Variants in KCNIP4 observed in about 807,000 individuals in gnomAD.
The protein encoded by KCNIP4 is Kv channel-interacting protein 4.
Under a neutral mutation model 34.0 loss-of-function variants are expected in KCNIP4, and 12 were observed. The observed-to-expected ratio is 0.35, with a 90% CI of 0.23 to 0.57. The LOEUF is 0.57. KCNIP4 is among the 20% of genes least tolerant of loss of function. The pLI is 0.83. For missense variants in KCNIP4, 238 were observed against 311.7 expected, an observed-to-expected ratio of 0.76 and a Z score of 1.78; for synonymous variants, 124 against 102.2, an observed-to-expected ratio of 1.21 and a Z score of -1.29.
chr4:20,799,154 G>A (rs1289575618), intron 3 of KCNIP4, among the ~76,000 whole-genome samples: 4 of 152,124 alleles, frequency 2.6e-5, no homozygotes, highest in Non-Finnish European at 1.5e-5. Flanking sequence ...CTATATAGCT[G>A]CTCCATCCTG....
intron 3 of KCNIP4, among the ~76,000 whole-genome samples, chr4:20,769,251 C>G (rs1425589691): frequency 6.6e-6 from 1 of 152,144 alleles, no homozygotes; most frequent in Non-Finnish European, 1.5e-5. Context: ...ACTAAACATT[C>G]TACAAATTGT....
intron 1 of KCNIP4, among the ~76,000 whole-genome samples, chr4:21,074,896 C>G (rs980206922): frequency 2.6e-5 from 4 of 152,106 alleles, no homozygotes; most frequent in Non-Finnish European, 5.9e-5. Flanking sequence ...TCGTTATGTA[C>G]CCAGTAGTCA....
rs867796133 is a variant in KCNIP4 at position 21,501,997 on chromosome 4, A to G, written c.61+446574T>C. ...CTCTCTCTCTCTCATGCACACGCAC[A>G]CACACACACACACACACAAGCACAC... On this transcript the variant is annotated intron_variant, in intron 1 of 8. Coordinates refer to ENST00000382152, the MANE Select transcript of KCNIP4 (RefSeq NM_025221.6). 3.6e-3 allele frequency among the ~76,000 whole-genome samples: 511 copies of G among 142,904 alleles called. 1 individual carries two copies. Among genetic ancestry groups the G allele is most frequent in the Middle Eastern group, 6.9e-3 (2 of 290 alleles). The allele number at this position is 142,904 out of a possible 152,430, so 93.8% of individuals were successfully genotyped here.
chr4:21,689,986 C>G (rs1457186143), intron 1 of KCNIP4, among the ~76,000 whole-genome samples: 1 of 151,644 alleles, frequency 6.6e-6, no homozygotes, highest in African/African-American at 2.4e-5. Context: ...TGCTATATCT[C>G]TATTAGGAAG....
At chr4:20,968,401 A>G (rs1396124901) in intron 1 of KCNIP4, among the ~76,000 whole-genome samples, 1 of 152,172 alleles carries the variant, frequency 6.6e-6, no homozygotes, top group Non-Finnish European at 1.5e-5. Flanking sequence ...CAGAAATACC[A>G]TTTGACCCAA....
chr4:20,864,098 A>G (rs1022101395), intron 2 of KCNIP4, among the ~76,000 whole-genome samples: 1 of 148,488 alleles, frequency 6.7e-6, no homozygotes, highest in Non-Finnish European at 1.5e-5. Context: ...ATGCATGTAT[A>G]CGTATGTATG....
At chr4:20,731,536 A>G in intron 8 of KCNIP4, 1 of 985,444 alleles carries the variant, frequency 1.0e-6, no homozygotes, top group Non-Finnish European at 1.2e-6. Flanking sequence ...AGTTCAGTCA[A>G]AGAGCCATTT....
intron 1 of KCNIP4, among the ~76,000 whole-genome samples, chr4:21,531,042 A>G (rs1736626316): frequency 6.6e-6 from 1 of 152,204 alleles, no homozygotes; most frequent in Admixed American, 6.5e-5. Context: ...TTTAAAAGCT[A>G]AGTTGAGGGC....
chr4:21,196,070 T>A (rs1484155717), intron 1 of KCNIP4, among the ~76,000 whole-genome samples: 1 of 152,240 alleles, frequency 6.6e-6, no homozygotes, highest in East Asian at 1.9e-4. Flanking sequence ...AGGCATGGAC[T>A]TCTTAAAGAA....
intron 1 of KCNIP4, among the ~76,000 whole-genome samples, chr4:21,505,323 C>A (rs1203317448): frequency 2.0e-5 from 3 of 151,612 alleles, no homozygotes; most frequent in African/African-American, 7.3e-5. Context: ...CTCTCATACA[C>A]AATCATTTTC....
chr4:21,479,585 C>A (rs1731257980), intron 1 of KCNIP4, among the ~76,000 whole-genome samples: 1 of 152,034 alleles, frequency 6.6e-6, no homozygotes, highest in Non-Finnish European at 1.5e-5. Context: ...TTACAACATG[C>A]ACATACACAC....
chr4:20,990,319 T>C (rs1736980066), intron 1 of KCNIP4, among the ~76,000 whole-genome samples: 1 of 152,242 alleles, frequency 6.6e-6, no homozygotes, highest in African/African-American at 2.4e-5. Context: ...ATGATCAGAC[T>C]CAAGCAGTTT....
chr4:20,988,000 C>CAAAAAAAAAA lies in KCNIP4; in HGVS notation c.62-105301_62-105292dup, dbSNP rs36044149. On this transcript the variant is annotated intron_variant, in intron 1 of 8. Coordinates refer to ENST00000382152, the MANE Select transcript of KCNIP4 (RefSeq NM_025221.6). ...TGGGCGACACGGCGAGATTCCATCT[C>CAAAAAAAAAA]AAAAAAAAAAAAAAAAAAAAAATTA... Among the ~76,000 whole-genome samples the CAAAAAAAAAA allele has an allele frequency of 5.2e-3, 241 of 46,308 alleles. 19 individuals carry two copies. Among genetic ancestry groups the CAAAAAAAAAA allele is most frequent in the Middle Eastern group, 0.03 (2 of 66 alleles). 30.4% of individuals were successfully genotyped at this position (46,308 alleles called of 152,430 possible). A position where few individuals can be genotyped will look rare whatever the true frequency, so the allele number is the denominator to read the frequency against.
intron 1 of KCNIP4, among the ~76,000 whole-genome samples, chr4:20,966,543 C>T (rs1734368979): frequency 6.6e-6 from 1 of 152,106 alleles, no homozygotes; most frequent in Non-Finnish European, 1.5e-5. Context: ...TGGTTGATTC[C>T]AATTCTACTG....
intron 1 of KCNIP4, among the ~76,000 whole-genome samples, chr4:21,246,340 A>G (rs1481507901): frequency 6.6e-6 from 1 of 152,168 alleles, no homozygotes; most frequent in Non-Finnish European, 1.5e-5. Flanking sequence ...AGCTGTTGCA[A>G]TCACGCCAGT....
chr4:20,887,777 G>A (rs572187616), intron 1 of KCNIP4, among the ~76,000 whole-genome samples: 13 of 152,172 alleles, frequency 8.5e-5, no homozygotes, highest in African/African-American at 2.2e-4. Context: ...GGCATAATAC[G>A]GAAACTTGAC....
rs1157389642 is a variant in KCNIP4, at chr4:21,528,800, A to AAAGG, written c.61+419767_61+419770dup. ...GAAAGGAAGAAAGGAAGAAAGGAAG[A>AAAGG]AAGGAAGGAAGGAAGGAAGGAAGGA... On this transcript the variant is annotated intron_variant, in intron 1 of 8. Transcript: ENST00000382152. Among the ~76,000 whole-genome samples the AAAGG allele has an allele frequency of 8.8e-4, 22 of 25,080 alleles. 1 individual carries two copies. The highest frequency in any genetic ancestry group is 2.3e-3 in the Admixed American group (6 of 2,594). 16.5% of individuals were successfully genotyped at this position (25,080 alleles called of 152,430 possible). A position where few individuals can be genotyped will look rare whatever the true frequency, so the allele number is the denominator to read the frequency against.
intron 5 of KCNIP4, among the ~76,000 whole-genome samples, chr4:20,738,272 A>C (rs1750189636): frequency 6.6e-6 from 1 of 152,240 alleles, no homozygotes; most frequent in Non-Finnish European, 1.5e-5. Flanking sequence ...GATATTTTTA[A>C]AAATTCACAG....
intron 1 of KCNIP4, among the ~76,000 whole-genome samples, chr4:20,899,232 T>C (rs1270183087): frequency 3.3e-5 from 5 of 152,190 alleles, no homozygotes; most frequent in Non-Finnish European, 7.4e-5. Context: ...CTAAATCCTC[T>C]ATCAGCATAA....
Sources: gnomAD v4.1 joint callset for allele counts (sites outside exome capture counted in the v4.1 genomes callset) on GRCh38, gnomAD v4.1.1 for gene constraint, MANE v1.5 for transcripts, NCBI Gene and HGNC (gene_info 2026-07-23, HGNC 2026-07-21) for gene names.